The following GPC5 variants were observed in gnomAD, a reference collection of about 807,000 sequenced individuals.
GPC5 encodes the protein glypican 5, also known as glypican-5.
GPC5 carries 47 observed loss-of-function variants against 53.9 expected under a neutral mutation model. The ratio of observed to expected loss-of-function variants is 0.87; its 90% CI spans 0.69 to 1.11. The LOEUF (loss-of-function observed/expected upper bound fraction) is 1.11. Among genes scored for constraint, GPC5 ranks in the 50% most tolerant of loss-of-function variants. The pLI, the probability that GPC5 is intolerant of heterozygous loss-of-function variation, is 0.00. For missense variants in GPC5, 748 were observed against 713.1 expected (o/e 1.05, Z -0.56); for synonymous variants, 286 against 263.3 (o/e 1.09, Z -0.84).
chr13:91,399,343 G>C (rs1003718873), intron 1 of GPC5, 134 bp downstream of exon 1: 2 of 1,121,704 alleles, frequency 1.8e-6, no homozygotes, highest in Non-Finnish European at 2.5e-6. Context: ...TCCCGGGGAG[G>C]CTTCCGGGGA....
At chr13:91,399,560 A>C (rs1876769168) in intron 1 of GPC5, among the ~76,000 whole-genome samples, 1 of 152,200 alleles carries the variant, frequency 6.6e-6, no homozygotes, top group South Asian at 2.1e-4. Flanking sequence ...GAATTTCCCC[A>C]GTGCCCCACC....
chr13:92,056,994 A>G (rs2041080163), intron 6 of GPC5, among the ~76,000 whole-genome samples: 1 of 152,186 alleles, frequency 6.6e-6, no homozygotes, highest in South Asian at 2.1e-4. Flanking sequence ...GTAATTGATT[A>G]AAAATTGACC....
chr13:92,660,308 T>C (rs1374184456), intron 7 of GPC5, among the ~76,000 whole-genome samples: 1 of 152,144 alleles, frequency 6.6e-6, no homozygotes, highest in East Asian at 1.9e-4. Flanking sequence ...ATGATGAACA[T>C]TATATTTCTG....
At chr13:92,281,647 G>A (rs1490376127) in intron 7 of GPC5, among the ~76,000 whole-genome samples, 1 of 152,168 alleles carries the variant, frequency 6.6e-6, no homozygotes, top group East Asian at 1.9e-4. Context: ...GGTCTGGAGT[G>A]GACCTCCAGC....
chr13:92,464,803 C>A (rs779574535), intron 7 of GPC5, among the ~76,000 whole-genome samples: 20 of 151,906 alleles, frequency 1.3e-4, no homozygotes, highest in Non-Finnish European at 2.4e-4. Flanking sequence ...TGTTTATGGG[C>A]TCCAAATTTC....
At chr13:92,784,496 T>G (rs546925963) in intron 7 of GPC5, among the ~76,000 whole-genome samples, 1 of 152,098 alleles carries the variant, frequency 6.6e-6, no homozygotes, top group Admixed American at 6.6e-5. Context: ...TTTACAGATG[T>G]AATGTATGGG....
rs1555308147 is a variant in GPC5, at chr13:92,064,764, A to AAAAAAAACAAAACAAAAC, written c.1402-80062_1402-80061insAAACAAAACAAAACAAAA. 1.6e-3 allele frequency among the ~76,000 whole-genome samples: 220 copies of AAAAAAAACAAAACAAAAC among 138,458 alleles called. 5 individuals carry two copies. The highest frequency in any genetic ancestry group is 5.5e-3 in the African/African-American group (214 of 38,814). The allele number at this position is 138,458 out of a possible 152,430, so 90.8% of individuals were successfully genotyped here. ...AGAGCGAGACTCCGTCTCAAAAAAA[A>AAAAAAAACAAAACAAAAC]AAAACAAAACAAAACTCAGAGGCAA... On this transcript the variant is annotated intron_variant, in intron 6 of 7. Coordinates refer to ENST00000377067, the MANE Select transcript of GPC5 (RefSeq NM_004466.6).
chr13:92,029,113 T>A (rs1327571230), intron 6 of GPC5, among the ~76,000 whole-genome samples: 1 of 152,182 alleles, frequency 6.6e-6, no homozygotes, highest in African/African-American at 2.4e-5. Context: ...CTTGAAGATA[T>A]TTTTTACTAG....
At chr13:92,300,880 C>T (rs2043070815) in intron 7 of GPC5, among the ~76,000 whole-genome samples, 1 of 152,152 alleles carries the variant, frequency 6.6e-6, no homozygotes. Flanking sequence ...ATAAGATTAG[C>T]TAATTGAGGC....
intron 7 of GPC5, among the ~76,000 whole-genome samples, chr13:92,597,067 AT>A (rs1209407156): frequency 2.6e-5 from 4 of 152,052 alleles, no homozygotes; most frequent in African/African-American, 9.7e-5. Flanking sequence ...AACACTATTT[AT>A]TTTTTAATTT....
chr13:91,454,693 TTC>T (rs1475437363), intron 2 of GPC5, among the ~76,000 whole-genome samples: 1 of 152,098 alleles, frequency 6.6e-6, no homozygotes, highest in African/African-American at 2.4e-5. Flanking sequence ...AAACAAGAGA[TTC>T]TCTCTCTCCT....
chr13:91,557,357 A>G (rs936245273), intron 2 of GPC5, among the ~76,000 whole-genome samples: 9 of 152,080 alleles, frequency 5.9e-5, no homozygotes, highest in Admixed American at 5.9e-4. Flanking sequence ...AATATAAACA[A>G]TTTATCTCTT....
chr13:92,738,585 A>T (rs1437734272), intron 7 of GPC5, among the ~76,000 whole-genome samples: 1 of 152,110 alleles, frequency 6.6e-6, no homozygotes, highest in Non-Finnish European at 1.5e-5. Flanking sequence ...TTTAACGTAA[A>T]GCCAACTATT....
chr13:92,152,465 G>A (rs2041913860), intron 7 of GPC5, among the ~76,000 whole-genome samples: 1 of 152,088 alleles, frequency 6.6e-6, no homozygotes, highest in African/African-American at 2.4e-5. Flanking sequence ...TGAAATAAAA[G>A]TATTGGATAA....
intron 6 of GPC5, among the ~76,000 whole-genome samples, chr13:91,945,414 G>T (rs970157862): frequency 1.3e-5 from 2 of 151,842 alleles, no homozygotes; most frequent in Non-Finnish European, 2.9e-5. Context: ...CTTTTATTAC[G>T]CTCTTAAAAT....
At chr13:91,571,835 A>ACG (rs2031828568) in intron 2 of GPC5, among the ~76,000 whole-genome samples, 1 of 85,918 alleles carries the variant, frequency 1.2e-5, no homozygotes, top group Non-Finnish European at 2.1e-5. Flanking sequence ...ATATACACAT[A>ACG]TACTTGTGTG....
chr13:91,892,318 T>A (rs1363137619), intron 5 of GPC5, among the ~76,000 whole-genome samples: 2 of 151,878 alleles, frequency 1.3e-5, no homozygotes, highest in Non-Finnish European at 2.9e-5. Context: ...TACCCATAAC[T>A]TTCTTCACAT....
In GPC5 at chr13:91,693,363, GAC is replaced by G. The variant is rs777007069; in HGVS notation, c.504_505del (p.Asp168GlufsTer12). The G allele has an allele frequency of 6.2e-7, 1 of 1,614,046 alleles. No individual in the cohort carries two copies. The highest frequency in any genetic ancestry group is 2.2e-5 in the East Asian group (1 of 44,864). ...TGAAGAATTTGTAAACAGATTTTTT[GAC>G]AGTCTTTTTCCTCTGGTCTACAACC... Reference protein sequence around the residue: ...NPEEFVNRFFDSLFPLVYNHL... With the variant: ...NPEEFVNRFFXSLFPLVYNHL... On this transcript the variant is annotated frameshift_variant, in exon 3 of 8. Transcript: ENST00000377067. LOFTEE classifies it high-confidence loss of function.
chr13:92,272,063 AC>A (rs2042843477), intron 7 of GPC5, among the ~76,000 whole-genome samples: 1 of 152,132 alleles, frequency 6.6e-6, no homozygotes, highest in Admixed American at 6.5e-5. Context: ...ACCTTTATTC[AC>A]TATACTCAGC....
Sources: allele counts gnomAD v4.1 joint callset (sites outside exome capture counted in the v4.1 genomes callset), GRCh38; gene constraint gnomAD v4.1.1; transcripts MANE v1.5; gene names NCBI Gene and HGNC (gene_info 2026-07-23, HGNC 2026-07-21).